CCT6A: variants seen among roughly 807,000 people sequenced by gnomAD.
The protein encoded by CCT6A is chaperonin containing TCP1 subunit 6A, also known as T-complex protein 1 subunit zeta.
CCT6A carries 6 observed loss-of-function variants against 58.6 expected under a neutral mutation model. The observed-to-expected ratio is 0.10, with a 90% CI of 0.06 to 0.20. CCT6A has a LOEUF of 0.20. CCT6A is among the 10% of genes least tolerant of loss of function. The pLI is 1.00. For synonymous variants in CCT6A, 245 were observed against 227.8 expected (o/e 1.08, Z -0.68); for missense variants, 516 against 648.8 (o/e 0.80, Z 2.22).
At chr7:56,060,517 C>T in intron 10 of CCT6A, 101 bp downstream of exon 10, 1 of 1,277,572 alleles carries the variant, frequency 7.8e-7, no homozygotes, top group Non-Finnish European at 1.1e-6. Flanking sequence ...CAGCCAGACA[C>T]CATGCAAAAG....
intron 12 of CCT6A, 40 bp from the exon 13 acceptor site, chr7:56,062,643 T>C (rs1794483982): frequency 6.6e-7 from 1 of 1,524,016 alleles, no homozygotes; most frequent in Non-Finnish European, 9.1e-7. Context: ...TTGTTGGTTC[T>C]TACTGACTGA....
intron 3 of CCT6A, among the ~76,000 whole-genome samples, chr7:56,055,099 C>A (rs1794277328): frequency 6.6e-6 from 1 of 152,238 alleles, no homozygotes; most frequent in East Asian, 1.9e-4. Flanking sequence ...CATGGAGAAA[C>A]CCCGTGTCTA....
chr7:56,051,839 T>A lies in CCT6A; in HGVS notation c.-10T>A. Reference sequence around the variant, plus strand: ...TCAGCATCGTTTCCTTTTCCTCCGCTGGAGCAGCTATGGCGGCGGTGAAGA... The same window carrying A: ...TCAGCATCGTTTCCTTTTCCTCCGCAGGAGCAGCTATGGCGGCGGTGAAGA... On this transcript the variant is annotated 5_prime_UTR_variant, in exon 1 of 14. Transcript: ENST00000275603. 6.4e-7 allele frequency: 1 copy of A among 1,556,130 alleles called. No individual in the cohort carries two copies. The highest frequency in any genetic ancestry group is 8.7e-7 in the Non-Finnish European group (1 of 1,150,690).
rs11767629 is a variant in CCT6A at position 56,060,856 on chromosome 7, C to T, written c.1263C>T (p.Ala421=). ...AGAVEVAMAE[A]LIKHKPSVKG... The stretch of plus-strand genomic sequence containing the variant: ...CCGTGGAAGTGGCAATGGCAGAAGC[C>T]CTGATTAAACATAAGCCCAGTGTAA... Residue 421 remains alanine, a synonymous_variant, in exon 11 of 14, where the codon GCC becomes GCT. Transcript: ENST00000275603. 721 of 1,613,506 alleles carry T rather than the reference C, an allele frequency of 4.5e-4. 2 individuals carry two copies. The highest frequency in any genetic ancestry group is 7.1e-4 in the Middle Eastern group (4 of 5,618).
intron 8 of CCT6A, 75 bp from the exon 9 acceptor site, chr7:56,059,469 C>T (rs754452729): frequency 4.5e-5 from 36 of 792,140 alleles, no homozygotes; most frequent in African/African-American, 1.0e-4. Context: ...AAATTCCTTC[C>T]TAAAAATTAC....
At chr7:56,062,971 C>T in intron 13 of CCT6A, 42 bp from the exon 14 acceptor site, 4 of 1,460,458 alleles carry the variant, frequency 2.7e-6, no homozygotes, top group South Asian at 1.1e-5. Flanking sequence ...CGAATTAGGG[C>T]TCCTAATCAT....
chr7:56,056,476 A>G, intron 5 of CCT6A, 62 bp downstream of exon 5: 3 of 862,322 alleles, frequency 3.5e-6, no homozygotes, highest in Non-Finnish European at 5.9e-6. Context: ...TAATCCCAGC[A>G]CTTTGGGAGG....
At chr7:56,060,161 C>A in intron 9 of CCT6A, 108 bp from the exon 10 acceptor site, 1 of 913,988 alleles carries the variant, frequency 1.1e-6, no homozygotes, top group Non-Finnish European at 1.7e-6. Context: ...TTAATGTGAT[C>A]AAGTTTGTTC....
chr7:56,052,112 G>T (rs1794113566), intron 1 of CCT6A, 127 bp downstream of exon 1: 2 of 832,186 alleles, frequency 2.4e-6, no homozygotes, highest in Non-Finnish European at 3.3e-6. Flanking sequence ...GCGTCCTCCG[G>T]GGTCGGTCCT....
chr7:56,055,071 C>G (rs1323651065), intron 3 of CCT6A, among the ~76,000 whole-genome samples: 1 of 152,114 alleles, frequency 6.6e-6, no homozygotes, highest in Non-Finnish European at 1.5e-5. Context: ...GTTGGGAGTT[C>G]GAGACCAGTC....
At chr7:56,062,623 G>A in intron 12 of CCT6A, 60 bp from the exon 13 acceptor site, 1 of 1,340,798 alleles carries the variant, frequency 7.5e-7, no homozygotes, top group South Asian at 1.2e-5. Flanking sequence ...AAGCAAAGCT[G>A]CACACAATAT....
chr7:56,052,040 T>C, intron 1 of CCT6A, 55 bp downstream of exon 1: 2 of 1,354,824 alleles, frequency 1.5e-6, no homozygotes, highest in Non-Finnish European at 1.9e-6. Context: ...GCCGCGCTCC[T>C]GGCGGGCCCG....
intron 9 of CCT6A, chr7:56,060,036 C>A: frequency 1.9e-6 from 1 of 526,554 alleles, no homozygotes; most frequent in African/African-American, 1.9e-5. Context: ...AATTGAAATT[C>A]AGGATCAGAT....
intron 5 of CCT6A, 32 bp from the exon 6 acceptor site, chr7:56,057,961 C>G (rs375113562): frequency 1.5e-5 from 17 of 1,153,618 alleles, no homozygotes; most frequent in Non-Finnish European, 1.3e-6. Flanking sequence ...ATCTGAAAAT[C>G]AATAACCATA....
At position 56,062,758 on chromosome 7, in the gene CCT6A, A is replaced by G. The variant is rs1794490237; in HGVS notation, c.1523+3A>G. The G allele has an allele frequency of 1.9e-6, 3 of 1,603,262 alleles. No individual in the cohort carries two copies. In the South Asian group the frequency reaches 3.4e-5, roughly 18 times the overall value. ...AAGAAACAGCTTCTTCACTCCTGGT[A>G]AGTTTGGGAAAATGAAAACTAAACT... On this transcript the variant is annotated splice_donor_region_variant and intron_variant, in intron 13 of 13. Coordinates refer to ENST00000275603, the MANE Select transcript of CCT6A (RefSeq NM_001762.4).
intron 2 of CCT6A, among the ~76,000 whole-genome samples, chr7:56,053,025 T>G (rs1794208291): frequency 6.6e-6 from 1 of 152,114 alleles, no homozygotes; most frequent in Non-Finnish European, 1.5e-5. Flanking sequence ...AACGCCTGAC[T>G]TCAGGCGATC....
At position 56,051,800 on chromosome 7, in the gene CCT6A, C is replaced by G. The variant is rs1452586758; in HGVS notation, c.-49C>G. ...GATAGTTCCTCCCGGCCACGCCGCG[C>G]CGGCTCTGGGCACTCAGCATCGTTT... On this transcript the variant is annotated 5_prime_UTR_variant, in exon 1 of 14. Transcript: ENST00000275603. The G allele has an allele frequency of 1.3e-6, 2 of 1,537,700 alleles. No homozygotes were observed. Among genetic ancestry groups the G allele is most frequent in the Non-Finnish European group, 8.8e-7 (1 of 1,141,826 alleles).
chr7:56,052,355 T>G (rs1794143235), intron 1 of CCT6A, 67 bp from the exon 2 acceptor site: 1 of 1,461,620 alleles, frequency 6.8e-7, no homozygotes, highest in East Asian at 2.3e-5. Context: ...AAAAGCCCGT[T>G]TTCTAATGGG....
At chr7:56,052,292 T>A in intron 1 of CCT6A, 130 bp from the exon 2 acceptor site, 1 of 806,362 alleles carries the variant, frequency 1.2e-6, no homozygotes, top group Non-Finnish European at 2.1e-6. Flanking sequence ...ACACCTGTCC[T>A]CCATCCTGCT....
Sources: allele counts gnomAD v4.1 joint callset (sites outside exome capture counted in the v4.1 genomes callset), GRCh38; gene constraint gnomAD v4.1.1; transcripts MANE v1.5; gene names NCBI Gene and HGNC (gene_info 2026-07-23, HGNC 2026-07-21).